The following ARHGAP15 variants were observed in gnomAD, a reference collection of about 807,000 sequenced individuals.
ARHGAP15 encodes rho GTPase-activating protein 15.
ARHGAP15 carries 51 observed loss-of-function variants against 63.7 expected under a neutral mutation model. The observed-to-expected ratio is 0.80, with a 90% CI of 0.64 to 1.01. The LOEUF (loss-of-function observed/expected upper bound fraction) is 1.01, where lower values mean the gene tolerates loss of function less well. ARHGAP15 is among the 50% of genes least tolerant of loss of function. The pLI is 0.00. For synonymous variants in ARHGAP15, 191 were observed against 193.8 expected (o/e 0.99, Z 0.12); for missense variants, 560 against 564.6 (o/e 0.99, Z 0.08).
At chr2:143,668,332 A>G (rs1038359737) in intron 12 of ARHGAP15, among the ~76,000 whole-genome samples, 2 of 151,938 alleles carry the variant, frequency 1.3e-5, no homozygotes, top group Admixed American at 6.6e-5. Context: ...ATACAGAGCA[A>G]AGTTAGGCGG....
rs555128799 is a variant in ARHGAP15 at position 143,593,546 on chromosome 2, G to A, written c.1004-30587G>A. Among the ~76,000 whole-genome samples, 141 of 152,224 alleles carry A rather than the reference G, an allele frequency of 9.3e-4. 1 individual carries two copies. Among genetic ancestry groups the A allele is most frequent in the Admixed American group, 2.0e-3 (31 of 15,274 alleles). On this transcript the variant is annotated intron_variant, in intron 11 of 13. Transcript: ENST00000295095. ...GTTAGGTTTATAGGATTCAGAATCC[G>A]TGGTTATTTTATGATTATGTGATCA... is the stretch of plus-strand genomic sequence containing the variant.
intron 12 of ARHGAP15, among the ~76,000 whole-genome samples, chr2:143,672,680 C>T (rs752391748): frequency 6.6e-6 from 1 of 152,126 alleles, no homozygotes; most frequent in African/African-American, 2.4e-5. Context: ...CTCCACTTGC[C>T]TTGGAACCTT....
intron 10 of ARHGAP15, among the ~76,000 whole-genome samples, chr2:143,527,679 G>T (rs1333080729): frequency 6.6e-6 from 1 of 151,960 alleles, no homozygotes; most frequent in Non-Finnish European, 1.5e-5. Flanking sequence ...TCTTATAGAA[G>T]AAAAATATTT....
intron 1 of ARHGAP15, among the ~76,000 whole-genome samples, chr2:143,147,598 T>C (rs1217761525): frequency 1.3e-5 from 2 of 152,046 alleles, no homozygotes; most frequent in Non-Finnish European, 2.9e-5. Flanking sequence ...TCAGAAGCAG[T>C]TCCACTAATC....
chr2:143,148,816 C>T (rs532993082), intron 1 of ARHGAP15, among the ~76,000 whole-genome samples: 1 of 151,736 alleles, frequency 6.6e-6, no homozygotes, highest in Admixed American at 6.6e-5. Context: ...ACAGAGTGGT[C>T]GGGGAAATTA....
intron 12 of ARHGAP15, among the ~76,000 whole-genome samples, chr2:143,645,996 G>A (rs1485554169): frequency 1.3e-5 from 2 of 152,010 alleles, no homozygotes; most frequent in African/African-American, 4.8e-5. Flanking sequence ...TGGCAGTAAT[G>A]GAATTGAAAA....
At chr2:143,626,155 T>C (rs1339357060) in intron 12 of ARHGAP15, among the ~76,000 whole-genome samples, 2 of 152,160 alleles carry the variant, frequency 1.3e-5, no homozygotes, top group Non-Finnish European at 2.9e-5. Flanking sequence ...TTGGGATTGA[T>C]GGCTCTTGCA....
intron 6 of ARHGAP15, among the ~76,000 whole-genome samples, chr2:143,273,362 C>T (rs948505923): frequency 6.6e-6 from 1 of 152,066 alleles, no homozygotes; most frequent in Non-Finnish European, 1.5e-5. Flanking sequence ...AGATACTTCT[C>T]AACTTATGAT....
At chr2:143,507,614 T>C (rs184832398) in intron 9 of ARHGAP15, among the ~76,000 whole-genome samples, 64 of 152,364 alleles carry the variant, frequency 4.2e-4, no homozygotes, top group African/African-American at 1.4e-3. Flanking sequence ...TAGAGGTTGA[T>C]GCTTTCCAAA....
At chr2:143,330,132 C>CAAAAAAAAAAAAAAAAAAAAAAAA (rs367621500) in intron 6 of ARHGAP15, among the ~76,000 whole-genome samples, 2 of 48,932 alleles carry the variant, frequency 4.1e-5, no homozygotes, top group Non-Finnish European at 8.1e-5. Context: ...AAAAAAAAAA[C>CAAAAAAAAAAAAAAAAAAAAAAAA]CAAAAACAAA....
intron 6 of ARHGAP15, among the ~76,000 whole-genome samples, chr2:143,388,942 A>T (rs2104961818): frequency 6.6e-6 from 1 of 151,924 alleles, no homozygotes; most frequent in Admixed American, 6.6e-5. Flanking sequence ...TCAAGTGGAG[A>T]ATTAATTTTT....
chr2:143,567,236 C>T (rs1196256884), intron 11 of ARHGAP15, among the ~76,000 whole-genome samples: 2 of 152,114 alleles, frequency 1.3e-5, no homozygotes, highest in Non-Finnish European at 2.9e-5. Flanking sequence ...TAAGCAAGAC[C>T]TTCCCTGTCT....
chr2:143,181,654 C>G (rs1471562560), intron 2 of ARHGAP15, among the ~76,000 whole-genome samples: 2 of 152,184 alleles, frequency 1.3e-5, no homozygotes, highest in Admixed American at 6.5e-5. Flanking sequence ...CCTCTCTCAG[C>G]CTTCAAGGAA....
intron 6 of ARHGAP15, among the ~76,000 whole-genome samples, chr2:143,372,769 A>T (rs962643854): frequency 6.6e-6 from 1 of 152,156 alleles, no homozygotes. Flanking sequence ...TTTCAGTGTT[A>T]TGTCAGTTAA....
chr2:143,595,742 C>A (rs916891034), intron 11 of ARHGAP15, among the ~76,000 whole-genome samples: 10 of 152,074 alleles, frequency 6.6e-5, no homozygotes, highest in African/African-American at 2.4e-4. Flanking sequence ...CTTGAGGATA[C>A]CGTCTCCTAA....
At chr2:143,664,330 C>A (rs563998713) in intron 12 of ARHGAP15, among the ~76,000 whole-genome samples, 70 of 151,150 alleles carry the variant, frequency 4.6e-4, no homozygotes, top group African/African-American at 1.7e-3. Context: ...GGATACATAA[C>A]GAAATGAAGG....
At chr2:143,360,573 C>A (rs997637868) in intron 6 of ARHGAP15, among the ~76,000 whole-genome samples, 3 of 151,938 alleles carry the variant, frequency 2.0e-5, no homozygotes, top group Non-Finnish European at 2.9e-5. Context: ...AGACATTGGA[C>A]TTGAAAACAG....
chr2:143,143,774 T>A (rs979492207), intron 1 of ARHGAP15, among the ~76,000 whole-genome samples: 1 of 151,984 alleles, frequency 6.6e-6, no homozygotes, highest in African/African-American at 2.4e-5. Context: ...TTTTTTTTTT[T>A]AACTTTAAGT....
intron 12 of ARHGAP15, among the ~76,000 whole-genome samples, chr2:143,654,666 G>C (rs1454586774): frequency 6.6e-6 from 1 of 152,150 alleles, no homozygotes; most frequent in Non-Finnish European, 1.5e-5. Flanking sequence ...AAGGTTGACT[G>C]ACATTTCTAG....
Sources: gnomAD v4.1 joint callset for allele counts (sites outside exome capture counted in the v4.1 genomes callset) on GRCh38, gnomAD v4.1.1 for gene constraint, MANE v1.5 for transcripts, NCBI Gene and HGNC (gene_info 2026-07-23, HGNC 2026-07-21) for gene names.